Variants in FAM227B observed in about 807,000 individuals in gnomAD.
The protein encoded by FAM227B is family with sequence similarity 227 member B, also known as protein FAM227B.
In FAM227B, 88 loss-of-function variants were observed where a neutral mutation model predicts 73.8. That is an observed-to-expected ratio of 1.19 (90% confidence interval 1.00 to 1.42). FAM227B has a LOEUF of 1.42. FAM227B is among the 40% of genes most tolerant of loss of function. The pLI is 0.00. For synonymous variants in FAM227B, 210 were observed against 190.5 expected, an observed-to-expected ratio of 1.10 and a Z score of -0.84; for missense variants, 632 against 590.9, an observed-to-expected ratio of 1.07 and a Z score of -0.72.
intron 11 of FAM227B, among the ~76,000 whole-genome samples, chr15:49,495,750 A>C (rs535571080): frequency 2.0e-5 from 3 of 152,098 alleles, no homozygotes; most frequent in Admixed American, 1.3e-4. Flanking sequence ...CGGGCCGGGC[A>C]TGGTGGCTCG....
At chr15:49,484,764 CATG>C (rs771110897) in intron 11 of FAM227B, 10 of 305,900 alleles carry the variant, frequency 3.3e-5, no homozygotes, top group Non-Finnish European at 5.9e-5. Flanking sequence ...GTTGTACAAT[CATG>C]ATGTTAGTAA....
At chr15:49,421,025 G>C (rs1793555115) in intron 11 of FAM227B, among the ~76,000 whole-genome samples, 1 of 152,112 alleles carries the variant, frequency 6.6e-6, no homozygotes. Context: ...TTTGAAGCCA[G>C]CAATGGTGTG....
intron 11 of FAM227B, among the ~76,000 whole-genome samples, chr15:49,463,252 C>T (rs77324001): frequency 1.3e-5 from 2 of 152,088 alleles, no homozygotes; most frequent in Non-Finnish European, 2.9e-5. Flanking sequence ...CCATCCTCTA[C>T]AGAATAAAAA....
chr15:49,482,880 T>C (rs1321206185), intron 11 of FAM227B, among the ~76,000 whole-genome samples: 1 of 151,988 alleles, frequency 6.6e-6, no homozygotes, highest in African/African-American at 2.4e-5. Flanking sequence ...TTCTAGAGAA[T>C]AAAAAGCTGA....
intron 10 of FAM227B, among the ~76,000 whole-genome samples, chr15:49,509,695 G>A (rs1024305131): frequency 6.6e-6 from 1 of 150,868 alleles, no homozygotes; most frequent in Non-Finnish European, 1.5e-5. Context: ...TTGTTCCAAA[G>A]AATGACATTA....
intron 11 of FAM227B, among the ~76,000 whole-genome samples, chr15:49,427,842 T>C (rs970574350): frequency 1.3e-5 from 2 of 151,866 alleles, no homozygotes; most frequent in Non-Finnish European, 2.9e-5. Context: ...TTGGAGGGCA[T>C]GGAGAAAGAA....
chr15:49,468,521 G>A (rs138884087), intron 11 of FAM227B, among the ~76,000 whole-genome samples: 10 of 152,188 alleles, frequency 6.6e-5, no homozygotes, highest in Admixed American at 3.3e-4. Flanking sequence ...GTGATCCAAC[G>A]ACAAGATTAG....
intron 11 of FAM227B, among the ~76,000 whole-genome samples, chr15:49,428,933 G>A (rs187537614): frequency 9.9e-5 from 15 of 152,096 alleles, no homozygotes; most frequent in African/African-American, 3.6e-4. Flanking sequence ...TAAACACAGC[G>A]TTGCTGAATT....
chr15:49,583,577 G>C (rs1298511345), intron 5 of FAM227B, among the ~76,000 whole-genome samples: 1 of 151,122 alleles, frequency 6.6e-6, no homozygotes, highest in Non-Finnish European at 1.5e-5. Context: ...GTAACCAGCA[G>C]CCCTTGGGGC....
chr15:49,337,353 A>G (rs1464635782), intron 13 of FAM227B, among the ~76,000 whole-genome samples: 1 of 151,780 alleles, frequency 6.6e-6, no homozygotes, highest in African/African-American at 2.4e-5. Context: ...ATCAGCATCT[A>G]TTGTTTTTTG....
At chr15:49,369,858 A>G (rs1413213212) in intron 12 of FAM227B, among the ~76,000 whole-genome samples, 1 of 152,214 alleles carries the variant, frequency 6.6e-6, no homozygotes, top group East Asian at 1.9e-4. Context: ...TGGCCTTCAG[A>G]GTCTTTTCCT....
At chr15:49,342,762 TTTTATTTCTCC>T (rs2040930972) in intron 13 of FAM227B, among the ~76,000 whole-genome samples, 1 of 152,138 alleles carries the variant, frequency 6.6e-6, no homozygotes, top group Non-Finnish European at 1.5e-5. Context: ...GTCTGGAAGA[TTTTATTTCTCC>T]TTGCTTATGA....
chr15:49,523,599 A>G (rs1485367599), intron 10 of FAM227B, among the ~76,000 whole-genome samples: 2 of 152,228 alleles, frequency 1.3e-5, no homozygotes, highest in African/African-American at 2.4e-5. Flanking sequence ...GTGCTGCTAA[A>G]AAGATACCAA....
intron 9 of FAM227B, among the ~76,000 whole-genome samples, chr15:49,565,875 A>G (rs1598279269): frequency 6.6e-6 from 1 of 152,316 alleles, no homozygotes; most frequent in African/African-American, 2.4e-5. Flanking sequence ...AGCAATTCAA[A>G]AACAGAAGCA....
At chr15:49,336,224 G>C (rs2039689687) in intron 13 of FAM227B, among the ~76,000 whole-genome samples, 1 of 152,264 alleles carries the variant, frequency 6.6e-6, no homozygotes, top group Non-Finnish European at 1.5e-5. Context: ...CTTCCCAGAA[G>C]AAAGGTGGTA....
intron 11 of FAM227B, among the ~76,000 whole-genome samples, chr15:49,405,097 G>T (rs531374625): frequency 1.3e-5 from 2 of 152,288 alleles, no homozygotes; most frequent in South Asian, 4.1e-4. Flanking sequence ...CTTCTGGCTT[G>T]TAGGGTTTCT....
At chr15:49,452,755 G>A (rs747867232) in intron 11 of FAM227B, among the ~76,000 whole-genome samples, 24 of 152,054 alleles carry the variant, frequency 1.6e-4, no homozygotes, top group Non-Finnish European at 2.9e-4. Context: ...TAATCTATGT[G>A]CTTACAAGAT....
rs534192525 is a variant in FAM227B at position 49,393,663 on chromosome 15, T to C, written c.1013-22264A>G. 1.5e-3 allele frequency among the ~76,000 whole-genome samples: 224 copies of C among 152,250 alleles called. 1 individual carries two copies. Among genetic ancestry groups the C allele is most frequent in the African/African-American group, 5.2e-3 (216 of 41,556 alleles). On this transcript the variant is annotated intron_variant, in intron 11 of 15. Coordinates refer to ENST00000299338, the MANE Select transcript of FAM227B (RefSeq NM_152647.3). ...TAAAATGAATGAATACAATAAGGAT[T>C]GGCTCTTACAAGGCTGGTCATTCCA...
intron 10 of FAM227B, among the ~76,000 whole-genome samples, chr15:49,537,098 G>A (rs745832686): frequency 3.9e-5 from 6 of 151,978 alleles, no homozygotes; most frequent in Admixed American, 6.6e-5. Flanking sequence ...TCTTCTGCAC[G>A]TCAAAGAAAA....
Sources: allele counts gnomAD v4.1 joint callset (sites outside exome capture counted in the v4.1 genomes callset), GRCh38; gene constraint gnomAD v4.1.1; transcripts MANE v1.5; gene names NCBI Gene and HGNC (gene_info 2026-07-23, HGNC 2026-07-21).